CDK5RAP2: variants seen among roughly 807,000 people sequenced by gnomAD.
CDK5RAP2 encodes CDK5 regulatory subunit associated protein 2.
A neutral mutation model predicts 232.9 loss-of-function variants in CDK5RAP2; 147 were observed. The observed-to-expected ratio is 0.63, with a 90% CI of 0.55 to 0.72. The LOEUF is 0.72. Among genes scored for constraint, CDK5RAP2 ranks in the 30% least tolerant of loss-of-function variants. CDK5RAP2 has a pLI of 0.00. For synonymous variants in CDK5RAP2, 833 were observed against 833.7 expected (o/e 1.00, Z 0.01); for missense variants, 2,195 against 2,231.5 (o/e 0.98, Z 0.33).
At chr9:120,413,807 CGAGGAGGGAGGAGG>C (rs547383691) in intron 28 of CDK5RAP2, among the ~76,000 whole-genome samples, 24 of 111,968 alleles carry the variant, frequency 2.1e-4, no homozygotes, top group African/African-American at 3.4e-4. Context: ...GCGCAGTGAG[CGAGGAGGGAGGAGG>C]GAGGAGGGAG....
chr9:120,416,887 C>G (rs1434317362), intron 27 of CDK5RAP2, among the ~76,000 whole-genome samples: 1 of 152,234 alleles, frequency 6.6e-6, no homozygotes, highest in Non-Finnish European at 1.5e-5. Flanking sequence ...TGTTACAGAT[C>G]TTTTCCTAAT....
chr9:120,391,087 G>A (rs1429044720), intron 36 of CDK5RAP2, among the ~76,000 whole-genome samples: 1 of 152,020 alleles, frequency 6.6e-6, no homozygotes, highest in Non-Finnish European at 1.5e-5. Context: ...TGCAAATGGG[G>A]GTATGTATCT....
At chr9:120,539,931 G>T (rs997575395) in intron 5 of CDK5RAP2, among the ~76,000 whole-genome samples, 1 of 152,190 alleles carries the variant, frequency 6.6e-6, no homozygotes, top group South Asian at 2.1e-4. Flanking sequence ...AGTATGCAAC[G>T]AAGTCTATAT....
At chr9:120,424,457 C>A (rs1460240981) in intron 25 of CDK5RAP2, among the ~76,000 whole-genome samples, 1 of 152,190 alleles carries the variant, frequency 6.6e-6, no homozygotes, top group African/African-American at 2.4e-5. Context: ...ACTGGAAGAA[C>A]CAGCTTGTAA....
chr9:120,527,991 T>C (rs2040982035), intron 9 of CDK5RAP2, 66 bp from the exon 10 acceptor site: 1 of 1,579,742 alleles, frequency 6.3e-7, no homozygotes, highest in South Asian at 1.1e-5. Flanking sequence ...CATAAATATA[T>C]CTTTAAGAGC....
chr9:120,538,276 T>C, intron 6 of CDK5RAP2, among the ~76,000 whole-genome samples: 1 of 152,222 alleles, frequency 6.6e-6, no homozygotes, highest in African/African-American at 2.4e-5. Context: ...AGAAGTGCTT[T>C]TGGTGCCATT....
At chr9:120,507,325 C>T (rs1298869044) in intron 12 of CDK5RAP2, among the ~76,000 whole-genome samples, 1 of 152,150 alleles carries the variant, frequency 6.6e-6, no homozygotes, top group South Asian at 2.1e-4. Context: ...GACGTCTGTA[C>T]CTTAATTATA....
intron 1 of CDK5RAP2, among the ~76,000 whole-genome samples, chr9:120,576,834 G>C (rs1247900664): frequency 2.6e-5 from 4 of 152,098 alleles, no homozygotes; most frequent in Non-Finnish European, 4.4e-5. Context: ...CCAGCTCTTA[G>C]CAAGGCAGAA....
intron 30 of CDK5RAP2, among the ~76,000 whole-genome samples, chr9:120,408,841 A>T (rs1431903710): frequency 1.3e-5 from 2 of 152,242 alleles, no homozygotes; most frequent in African/African-American, 4.8e-5. Flanking sequence ...AGGTAGCTGC[A>T]GCACTCACCT....
At position 120,568,947 on chromosome 9, in the gene CDK5RAP2, G is replaced by A. The variant is rs1337862317; in HGVS notation, c.128-559C>T. On this transcript the variant is annotated intron_variant, in intron 2 of 37. Transcript: ENST00000349780. ...TATTTTCAAAAGCAAGCAGTGGACCGGAAACTGCTGACCTGTTTTAAAGAC... is the reference window on the plus strand; with the variant it reads ...TATTTTCAAAAGCAAGCAGTGGACCAGAAACTGCTGACCTGTTTTAAAGAC... Among the ~76,000 whole-genome samples the A allele has an allele frequency of 9.9e-5, 15 of 152,276 alleles. No individual in the cohort carries two copies. The South Asian group carries it at 1.0e-3, about 11-fold the overall frequency.
At chr9:120,523,082 C>T (rs1477646453) in intron 11 of CDK5RAP2, among the ~76,000 whole-genome samples, 1 of 152,180 alleles carries the variant, frequency 6.6e-6, no homozygotes, top group African/African-American at 2.4e-5. Context: ...TCTGAAAAGC[C>T]AACCTGACAT....
rs552371593 is a variant in CDK5RAP2, at chr9:120,527,994, T to C, written c.880-69A>G. 8 of 1,566,390 alleles carry C rather than the reference T, an allele frequency of 5.1e-6. No homozygotes were observed. The African/African-American group carries it at 9.5e-5, about 19-fold the overall frequency. The stretch of plus-strand genomic sequence containing the variant: ...ACCAAAATGCACCATAAATATATCT[T>C]TAAGAGCACACTCAAATGCAGTTAT... On this transcript the variant is annotated intron_variant, in intron 9 of 37. Transcript: ENST00000349780.
chr9:120,505,460 C>T (rs2039767788), intron 12 of CDK5RAP2, among the ~76,000 whole-genome samples: 1 of 152,096 alleles, frequency 6.6e-6, no homozygotes, highest in Non-Finnish European at 1.5e-5. Context: ...AGTGAATAAC[C>T]CTATAATGGC....
intron 35 of CDK5RAP2, among the ~76,000 whole-genome samples, chr9:120,394,866 T>C (rs1725027317): frequency 6.6e-6 from 1 of 152,306 alleles, no homozygotes; most frequent in South Asian, 2.1e-4. Context: ...CGGGATGGCA[T>C]GGCCCAGTGA....
At chr9:120,534,365 G>A (rs899943946) in intron 7 of CDK5RAP2, among the ~76,000 whole-genome samples, 1 of 151,890 alleles carries the variant, frequency 6.6e-6, no homozygotes, top group Non-Finnish European at 1.5e-5. Context: ...TACTTCTCCC[G>A]GGAAGCTTTT....
intron 6 of CDK5RAP2, among the ~76,000 whole-genome samples, chr9:120,537,949 G>A (rs141659473): frequency 1.9e-3 from 287 of 152,320 alleles, no homozygotes; most frequent in African/African-American, 6.7e-3. Flanking sequence ...GATAAAGCTA[G>A]TAAGTGACAG....
At chr9:120,539,675 T>C (rs2041544560) in intron 5 of CDK5RAP2, among the ~76,000 whole-genome samples, 1 of 152,244 alleles carries the variant, frequency 6.6e-6, no homozygotes. Flanking sequence ...TCAATAAATG[T>C]TGGCGATACT....
rs1186161066 is a variant in CDK5RAP2 at position 120,580,126 on chromosome 9, A to C, written c.-148T>G. The C allele has an allele frequency of 3.4e-6, 2 of 584,772 alleles. No homozygotes were observed. Among genetic ancestry groups the C allele is most frequent in the Non-Finnish European group, 6.2e-6 (2 of 321,450 alleles). The allele number at this position is 584,772 out of a possible 1,614,324, so 36.2% of individuals were successfully genotyped here. On this transcript the variant is annotated 5_prime_UTR_variant, in exon 1 of 38. Coordinates refer to ENST00000349780, the MANE Select transcript of CDK5RAP2 (RefSeq NM_018249.6). ...TGGCGGCGCCGCTGGAATTCAAACC[A>C]CAGACGCCGCCATCTTTCCCGGCGC... is the stretch of plus-strand genomic sequence containing the variant.
rs114562470 is a variant in CDK5RAP2 at position 120,447,013 on chromosome 9, A to G, written c.3025+882T>C. 6.6e-3 allele frequency among the ~76,000 whole-genome samples: 1,004 copies of G among 152,340 alleles called. 17 individuals are homozygous for G. Among genetic ancestry groups the G allele is most frequent in the African/African-American group, 0.023 (954 of 41,576 alleles). ...ACACACACACACAAGAATGTAAGCT[A>G]GACAAAGACTTCATCTGCTTTGGTC... On this transcript the variant is annotated intron_variant, in intron 22 of 37. Transcript: ENST00000349780.
Sources: allele counts gnomAD v4.1 joint callset (sites outside exome capture counted in the v4.1 genomes callset), GRCh38; gene constraint gnomAD v4.1.1; transcripts MANE v1.5; gene names NCBI Gene and HGNC (gene_info 2026-07-23, HGNC 2026-07-21).